The following IFITM5 variants were observed in gnomAD, a reference collection of about 807,000 sequenced individuals.
The protein encoded by IFITM5 is interferon-induced transmembrane protein 5.
A neutral mutation model predicts 9.2 loss-of-function variants in IFITM5; 10 were observed. The observed-to-expected ratio is 1.09, with a 90% CI of 0.67 to 1.85. The LOEUF (loss-of-function observed/expected upper bound fraction) is 1.85. Ranked by LOEUF, IFITM5 falls within the 40% of genes most tolerant of loss-of-function variation. The pLI is 0.00. For synonymous variants in IFITM5, 93 were observed against 86.6 expected (o/e 1.07, Z -0.41); for missense variants, 225 against 182.6 (o/e 1.23, Z -1.34).
In IFITM5 at chr11:299,456, G is replaced by T; in HGVS notation, c.35C>A (p.Ala12Asp). 6.6e-7 allele frequency: 1 copy of T among 1,519,788 alleles called. No homozygotes were observed. The highest frequency in any genetic ancestry group is 8.8e-7 in the Non-Finnish European group (1 of 1,133,550). The allele number at this position is 1,519,788 out of a possible 1,614,324, so 94.1% of individuals were successfully genotyped here. A position where few individuals can be genotyped will look rare whatever the true frequency, so the allele number is the denominator to read the frequency against. Reference sequence around the variant, plus strand: ...GGCACCGGCCTTGCTGGGCGTGGGGGCCCGGGTGTCCTCGCGGGGATACGC... The same window carrying T: ...GGCACCGGCCTTGCTGGGCGTGGGGTCCCGGGTGTCCTCGCGGGGATACGC... ...DTAYPREDTR[A>D]PTPSKAGAHT... The change falls in exon 1 of 2, where the codon GCC (alanine) becomes GAC (aspartate). Residue 12 changes from alanine to aspartate, a missense_variant. Transcript: ENST00000382614.
In IFITM5 at chr11:299,483, G is replaced by A. The variant is rs376963969; in HGVS notation, c.8C>T (p.Thr3Met). 63 of 1,477,012 alleles carry A rather than the reference G, an allele frequency of 4.3e-5. No individual in the cohort carries two copies. The highest frequency in any genetic ancestry group is 1.8e-4 in the East Asian group (7 of 39,028). The allele number at this position is 1,477,012 out of a possible 1,614,324, so 91.5% of individuals were successfully genotyped here. A position where few individuals can be genotyped will look rare whatever the true frequency, so the allele number is the denominator to read the frequency against. Residue 3 changes from threonine (T) to methionine (M), a missense_variant, in exon 1 of 2, where the codon ACG becomes ATG. Thr to Met is a moderately conservative substitution (Grantham distance 81, BLOSUM62 -1). Transcript: ENST00000382614. The part of the protein sequence containing the change: MD[T>M]AYPREDTRAP... ...CCGGGTGTCCTCGCGGGGATACGCC[G>A]TGTCCATGGGTTCCAGCGCCGTCTC...
In IFITM5 at chr11:298,296, T is replaced by A. The variant is rs534824113; in HGVS notation, c.*205A>T. 1.0e-5 allele frequency: 6 copies of A among 596,884 alleles called. No homozygotes were observed. In the Admixed American group the frequency reaches 1.5e-4, roughly 15 times the overall value. 37.0% of individuals were successfully genotyped at this position (596,884 alleles called of 1,614,324 possible). ...GGGCAGAGTTAGGGCCCGGGAACTC[T>A]CGGGTTAGGGTGAAGACCCCGGGGT... On this transcript the variant is annotated 3_prime_UTR_variant, in exon 2 of 2. Transcript: ENST00000382614.
rs146102482 is a variant in IFITM5, at chr11:299,137, C to T, written c.186+168G>A. Among the ~76,000 whole-genome samples, 441 of 151,766 alleles carry T rather than the reference C, an allele frequency of 2.9e-3. 2 individuals carry two copies. Among genetic ancestry groups the T allele is most frequent in the Non-Finnish European group, 3.6e-3 (244 of 67,834 alleles). On this transcript the variant is annotated intron_variant, in intron 1 of 1. Coordinates refer to ENST00000382614, the MANE Select transcript of IFITM5 (RefSeq NM_001025295.3). ...CTTGCCTTCGTGAGGAGCTCTTTCC[C>T]GGCCATACTGATAGCTGTGCCCACA... is the stretch of plus-strand genomic sequence containing the variant.
chr11:298,924 G>T (rs1308315348), intron 1 of IFITM5, among the ~76,000 whole-genome samples: 1 of 152,160 alleles, frequency 6.6e-6, no homozygotes, highest in Non-Finnish European at 1.5e-5. Flanking sequence ...CTCTCTATGG[G>T]TGAGGGTCCC....
Position 298,434 on chromosome 11 carries a change from G to C in IFITM5, c.*67C>G. 2.0e-6 allele frequency: 3 copies of C among 1,512,416 alleles called. No homozygotes were observed. In the Admixed American group the frequency reaches 5.9e-5, roughly 30 times the overall value. The allele number at this position is 1,512,416 out of a possible 1,614,324, so 93.7% of individuals were successfully genotyped here. A position where few individuals can be genotyped will look rare whatever the true frequency, so the allele number is the denominator to read the frequency against. ...GGCCAGGCTCCGGGGAGTCAGTATT[G>C]GGCCCCAGGGGCAGCAGCCTGGGGT... is the stretch of plus-strand genomic sequence containing the variant. On this transcript the variant is annotated 3_prime_UTR_variant, in exon 2 of 2. Transcript: ENST00000382614.
At position 298,562 on chromosome 11, in the gene IFITM5, C is replaced by T. The variant is rs112478479; in HGVS notation, c.338G>A (p.Arg113Gln). Residue 113 changes from arginine (R) to glutamine (Q), a missense_variant, in exon 2 of 2, where the codon CGG (arginine) becomes CAG (glutamine). Transcript: ENST00000382614. Reference protein sequence around the residue: ...LVVTGALHLARLAKDSAAFFS... With the variant: ...LVVTGALHLAQLAKDSAAFFS... ...GAAGGCGGCAGAGTCCTTGGCCAGC[C>T]GGGCCAGGTGCAGGGCACCAGTCAC... 159 of 1,613,280 alleles carry T rather than the reference C, an allele frequency of 9.9e-5. No individual in the cohort carries two copies. The highest frequency in any genetic ancestry group is 6.3e-4 in the African/African-American group (47 of 75,062).
At position 299,423 on chromosome 11, in the gene IFITM5, G is replaced by C. The variant is rs552104680; in HGVS notation, c.68C>G (p.Ala23Gly). ...GGGGTGCGGGGCCCCCAGTGTGAGG[G>C]CTGTGTGGGCACCGGCCTTGCTGGG... ...PTPSKAGAHT[A>G]LTLGAPHPPP... Residue 23 changes from alanine to glycine, a missense_variant, in exon 1 of 2, where the codon GCC becomes GGC. By Grantham distance (60) the Ala-to-Gly change is moderately conservative. Transcript: ENST00000382614. The C allele has an allele frequency of 6.5e-7, 1 of 1,550,148 alleles. No homozygotes were observed. The highest frequency in any genetic ancestry group is 1.2e-5 in the South Asian group (1 of 82,944).
At position 298,375 on chromosome 11, in the gene IFITM5, G is replaced by T; in HGVS notation, c.*126C>A. The T allele has an allele frequency of 9.6e-7, 1 of 1,036,646 alleles. No homozygotes were observed. Among genetic ancestry groups the T allele is most frequent in the Non-Finnish European group, 1.4e-6 (1 of 717,958 alleles). The allele number at this position is 1,036,646 out of a possible 1,614,324, so 64.2% of individuals were successfully genotyped here. ...TTGGGGCTGGAGGGCCCCAGGATCA[G>T]GATGGGGCAGGGATGGAGGCCCCAC... On this transcript the variant is annotated 3_prime_UTR_variant, in exon 2 of 2. Coordinates refer to ENST00000382614, the MANE Select transcript of IFITM5 (RefSeq NM_001025295.3).
rs541226162 is a variant in IFITM5, at chr11:298,213, G to T, written c.*288C>A. ...GCCAGGAGGCACTTTCTGGAACCAG[G>T]CACTTTTAATCGTGGAACCGAGGGG... is the stretch of plus-strand genomic sequence containing the variant. On this transcript the variant is annotated 3_prime_UTR_variant, in exon 2 of 2. Transcript: ENST00000382614. 3.5e-4 allele frequency: 160 copies of T among 453,648 alleles called. 2 individuals are homozygous for T. Among genetic ancestry groups the T allele is most frequent in the Middle Eastern group, 3.0e-3 (5 of 1,676 alleles). The allele number at this position is 453,648 out of a possible 1,614,324, so 28.1% of individuals were successfully genotyped here.
chr11:299,263 T>C (rs1383643104), intron 1 of IFITM5, 42 bp downstream of exon 1: 3 of 975,236 alleles, frequency 3.1e-6, no homozygotes, highest in Non-Finnish European at 4.3e-6. Context: ...CTTGATGGAG[T>C]AGTGGAGCCT....
Position 299,384 on chromosome 11 carries a change from T to A in IFITM5, c.107A>T (p.His36Leu), listed in dbSNP as rs1271472858. The stretch of plus-strand genomic sequence containing the variant: ...GGTGCTGAACACCGACCAGATCAAG[T>A]GGTCTCGAGGCGGGGGGTGCGGGGC... ...LGAPHPPPRD[H>L]LIWSVFSTLY... The change falls in exon 1 of 2, where the codon CAC becomes CTC. Residue 36 changes from histidine to leucine, a missense_variant. His to Leu is a moderately conservative substitution (Grantham distance 99). Transcript: ENST00000382614. 1 of 1,585,696 alleles carries A rather than the reference T, an allele frequency of 6.3e-7. No individual in the cohort carries two copies. Among genetic ancestry groups the A allele is most frequent in the Non-Finnish European group, 8.6e-7 (1 of 1,166,940 alleles).
chr11:299,362 G>T lies in IFITM5; in HGVS notation c.129C>A (p.Ser43Arg). ...GGCAACACAGATTCAGGTAGAGGGTGCTGAACACCGACCAGATCAAGTGGT... is the reference window on the plus strand; with the variant it reads ...GGCAACACAGATTCAGGTAGAGGGTTCTGAACACCGACCAGATCAAGTGGT... ...PRDHLIWSVF[S>R]TLYLNLCCLG... The change falls in exon 1 of 2, where the codon AGC becomes AGA. Residue 43 changes from serine (S) to arginine (R), a missense_variant. Transcript: ENST00000382614. 6.3e-7 allele frequency: 1 copy of T among 1,599,802 alleles called. No homozygotes were observed. The highest frequency in any genetic ancestry group is 8.5e-7 in the Non-Finnish European group (1 of 1,173,638).
At chr11:298,755 C>A in intron 1 of IFITM5, 42 bp from the exon 2 acceptor site, 1 of 1,575,542 alleles carries the variant, frequency 6.3e-7, no homozygotes, top group South Asian at 1.1e-5. Context: ...TCTATGTGTC[C>A]TCGGGGCCTG....
In IFITM5 at chr11:298,640, A is replaced by T. The variant is rs768301470; in HGVS notation, c.260T>A (p.Ile87Asn). ...RFGSKAKCYN[I>N]LAAMWTLVPP... is the part of the protein sequence containing the mutation. ...CACCAGCGTCCACATCGCGGCCAGG[A>T]TGTTGTAGCACTTGGCTTTGGAGCC... Residue 87 changes from isoleucine to asparagine, a missense_variant, in exon 2 of 2, where the codon ATC (isoleucine) becomes AAC (asparagine). Transcript: ENST00000382614. 2 of 1,613,614 alleles carry T rather than the reference A, an allele frequency of 1.2e-6. No individual in the cohort carries two copies. The highest frequency in any genetic ancestry group is 1.7e-6 in the Non-Finnish European group (2 of 1,179,988).
Position 298,270 on chromosome 11 carries a change from G to C in IFITM5, c.*231C>G, listed in dbSNP as rs921243680. On this transcript the variant is annotated 3_prime_UTR_variant, in exon 2 of 2. Coordinates refer to ENST00000382614, the MANE Select transcript of IFITM5 (RefSeq NM_001025295.3). Reference sequence around the variant, plus strand: ...GTGTGAGGAGGGAGGGGCAGGATCGGGGGCAGAGTTAGGGCCCGGGAACTC... The same window carrying C: ...GTGTGAGGAGGGAGGGGCAGGATCGCGGGCAGAGTTAGGGCCCGGGAACTC... 7 of 575,230 alleles carry C rather than the reference G, an allele frequency of 1.2e-5. No individual in the cohort carries two copies. Among genetic ancestry groups the C allele is most frequent in the Admixed American group, 3.1e-5 (1 of 32,402 alleles). The allele number at this position is 575,230 out of a possible 1,614,324, so 35.6% of individuals were successfully genotyped here.
At chr11:299,252 C>T in intron 1 of IFITM5, 53 bp downstream of exon 1, 1 of 1,426,882 alleles carries the variant, frequency 7.0e-7, no homozygotes, top group Non-Finnish European at 9.4e-7. Context: ...CTTCCCCCCA[C>T]CTTGATGGAG....
chr11:299,225 G>A, intron 1 of IFITM5, 80 bp downstream of exon 1: 1 of 1,138,828 alleles, frequency 8.8e-7, no homozygotes, highest in East Asian at 2.9e-5. Context: ...CCCCCACGGA[G>A]CTCCCCATCC....
chr11:298,720 A>G lies in IFITM5; in HGVS notation c.187-7T>C. ...CCACCTTCTGATCTCGGGCCTGCAG[A>G]GAGACCAGACCACAGGGCCAGATCT... is the stretch of plus-strand genomic sequence containing the variant. On this transcript the variant is annotated splice_polypyrimidine_tract_variant and splice_region_variant and intron_variant, in intron 1 of 1. Transcript: ENST00000382614. The G allele has an allele frequency of 6.2e-7, 1 of 1,612,542 alleles. No homozygotes were observed. The highest frequency in any genetic ancestry group is 8.5e-7 in the Non-Finnish European group (1 of 1,179,490).
chr11:299,210 A>G lies in IFITM5; in HGVS notation c.186+95T>C, dbSNP rs916778178. 8 of 887,078 alleles carry G rather than the reference A, an allele frequency of 9.0e-6. No individual in the cohort carries two copies. The Admixed American group carries it at 2.3e-4, about 25-fold the overall frequency. The allele number at this position is 887,078 out of a possible 1,614,324, so 55.0% of individuals were successfully genotyped here. On this transcript the variant is annotated intron_variant, in intron 1 of 1. Coordinates refer to ENST00000382614, the MANE Select transcript of IFITM5 (RefSeq NM_001025295.3). ...GCCCCCCGCGGCCCCCAGCACGGCAAGGACCCCCCACGGAGCTCCCCATCC... is the reference window on the plus strand; with the variant it reads ...GCCCCCCGCGGCCCCCAGCACGGCAGGGACCCCCCACGGAGCTCCCCATCC...
Sources: allele counts gnomAD v4.1 joint callset (sites outside exome capture counted in the v4.1 genomes callset), GRCh38; gene constraint gnomAD v4.1.1; transcripts MANE v1.5; gene names NCBI Gene and HGNC (gene_info 2026-07-23, HGNC 2026-07-21).